The following CSMD1 variants were observed in gnomAD, a reference collection of about 807,000 sequenced individuals.
The protein encoded by CSMD1 is CUB and sushi domain-containing protein 1.
Under a neutral mutation model 417.5 loss-of-function variants are expected in CSMD1, and 213 were observed. The observed-to-expected ratio is 0.51, with a 90% confidence interval of 0.46 to 0.57. The LOEUF is 0.57. Ranked by LOEUF, CSMD1 falls within the 20% of genes least tolerant of loss-of-function variation. The pLI, the probability that CSMD1 is intolerant of heterozygous loss-of-function variation, is 0.00. For missense variants in CSMD1, 6,923 were observed against 4,529.7 expected (o/e 1.53, Z -15.17); for synonymous variants, 2,862 against 1,736.8 (o/e 1.65, Z -16.11).
At chr8:4,407,533 A>G (rs183466800) in intron 3 of CSMD1, among the ~76,000 whole-genome samples, 1 of 152,344 alleles carries the variant, frequency 6.6e-6, no homozygotes, top group East Asian at 1.9e-4. Flanking sequence ...AATTCAGAGT[A>G]CAGATATCTT....
intron 5 of CSMD1, among the ~76,000 whole-genome samples, chr8:3,890,026 A>C (rs1366672766): frequency 6.6e-6 from 1 of 152,100 alleles, no homozygotes; most frequent in Non-Finnish European, 1.5e-5. Context: ...AAAAAATATA[A>C]ACATTTTTTT....
intron 5 of CSMD1, among the ~76,000 whole-genome samples, chr8:3,943,195 T>C (rs933242627): frequency 1.3e-5 from 2 of 152,120 alleles, no homozygotes; most frequent in Non-Finnish European, 2.9e-5. Context: ...TGTTTCCTGG[T>C]GTTCGATTTT....
chr8:4,204,809 C>G (rs866486747), intron 3 of CSMD1, among the ~76,000 whole-genome samples: 10 of 150,250 alleles, frequency 6.7e-5, no homozygotes, highest in African/African-American at 2.5e-4. Flanking sequence ...CACAGGTCAG[C>G]ACACACAGCT....
chr8:4,411,488 C>G (rs954586297), intron 3 of CSMD1, among the ~76,000 whole-genome samples: 1 of 152,128 alleles, frequency 6.6e-6, no homozygotes, highest in African/African-American at 2.4e-5. Flanking sequence ...AGCCAGAGAT[C>G]CACTTAACAA....
chr8:4,909,495 T>C (rs962742600), intron 1 of CSMD1, among the ~76,000 whole-genome samples: 1 of 152,152 alleles, frequency 6.6e-6, no homozygotes, highest in Non-Finnish European at 1.5e-5. Flanking sequence ...AGCAGAGATT[T>C]TTCCCTAAAG....
At chr8:3,950,418 G>T (rs1377102189) in intron 5 of CSMD1, among the ~76,000 whole-genome samples, 2 of 152,202 alleles carry the variant, frequency 1.3e-5, no homozygotes, top group Non-Finnish European at 2.9e-5. Context: ...AATGTAAGTA[G>T]CAGAAGAGAG....
At chr8:4,420,597 C>T (rs932928291) in intron 2 of CSMD1, among the ~76,000 whole-genome samples, 6 of 152,030 alleles carry the variant, frequency 3.9e-5, no homozygotes, top group Non-Finnish European at 8.8e-5. Flanking sequence ...TTTGTGCACT[C>T]AAACATGAAA....
At chr8:3,523,802 T>C (rs1585301397) in intron 10 of CSMD1, among the ~76,000 whole-genome samples, 1 of 139,186 alleles carries the variant, frequency 7.2e-6, no homozygotes. Context: ...TGCACACATG[T>C]GCACATACAC....
At chr8:4,949,189 T>A (rs1162506246) in intron 1 of CSMD1, among the ~76,000 whole-genome samples, 2 of 152,192 alleles carry the variant, frequency 1.3e-5, no homozygotes, top group Admixed American at 6.6e-5. Context: ...TATAATATTG[T>A]CTTAAATACC....
At chr8:2,941,443 T>C (rs644385) in intron 69 of CSMD1, among the ~76,000 whole-genome samples, 121,831 of 152,194 alleles carry the variant, frequency 0.8, 50,122 homozygotes, top group East Asian at 0.91. Flanking sequence ...GGGATCATAA[T>C]TTATTTCTTA....
At chr8:3,447,961 G>A (rs988730531) in intron 12 of CSMD1, among the ~76,000 whole-genome samples, 1 of 152,118 alleles carries the variant, frequency 6.6e-6, no homozygotes, top group African/African-American at 2.4e-5. Flanking sequence ...ATGGGACAGA[G>A]CCTCAAGAAA....
At chr8:3,530,930 G>A (rs1458924756) in intron 10 of CSMD1, among the ~76,000 whole-genome samples, 1 of 151,292 alleles carries the variant, frequency 6.6e-6, no homozygotes, top group Admixed American at 6.6e-5. Context: ...CGATCTCACT[G>A]CAACCTCCAC....
At chr8:4,465,341 GTGTACATCAGTAC>G (rs1260893022) in intron 2 of CSMD1, among the ~76,000 whole-genome samples, 2 of 152,116 alleles carry the variant, frequency 1.3e-5, no homozygotes, top group African/African-American at 4.8e-5. Context: ...CTTGCAAAAA[GTGTACATCAGTAC>G]ATGTCTACTA....
At chr8:3,463,707 G>C (rs989689125) in intron 12 of CSMD1, among the ~76,000 whole-genome samples, 2 of 152,174 alleles carry the variant, frequency 1.3e-5, no homozygotes, top group South Asian at 4.1e-4. Context: ...GAGAAGACGG[G>C]CGAGACTGGG....
At chr8:3,714,070 A>T (rs1469912353) in intron 6 of CSMD1, among the ~76,000 whole-genome samples, 1 of 138,676 alleles carries the variant, frequency 7.2e-6, no homozygotes, top group Non-Finnish European at 1.6e-5. Flanking sequence ...ATGTCCACAT[A>T]CACACATATG....
At position 4,120,414 on chromosome 8, in the gene CSMD1, T is replaced by G. The variant is rs187436016; in HGVS notation, c.416-88315A>C. On this transcript the variant is annotated intron_variant, in intron 3 of 69. Coordinates refer to ENST00000635120, the MANE Select transcript of CSMD1 (RefSeq NM_033225.6). The stretch of plus-strand genomic sequence containing the variant: ...CTGACCGTATGCCCATCCAATTGTT[T>G]GTTGAGTTTTCTCTCCTTCCTCCTC... Among the ~76,000 whole-genome samples, 15 of 152,322 alleles carry G rather than the reference T, an allele frequency of 9.8e-5. No homozygotes were observed. In the East Asian group the frequency reaches 2.5e-3, roughly 25 times the overall value.
chr8:3,707,983 C>T (rs527687316), intron 7 of CSMD1, among the ~76,000 whole-genome samples: 15 of 152,224 alleles, frequency 9.9e-5, no homozygotes, highest in African/African-American at 3.1e-4. Context: ...AGACATTGCC[C>T]GAAAGCTACT....
intron 10 of CSMD1, among the ~76,000 whole-genome samples, chr8:3,536,378 C>G (rs982140896): frequency 2.6e-5 from 4 of 152,192 alleles, no homozygotes; most frequent in African/African-American, 7.2e-5. Context: ...AATTCCATGA[C>G]CATTGATTCT....
rs368341419 is a variant in CSMD1, at chr8:4,637,426, G to A, written c.218C>T (p.Ser73Phe). 1.6e-5 allele frequency: 26 copies of A among 1,613,748 alleles called. No individual in the cohort carries two copies. Among genetic ancestry groups the A allele is most frequent in the Middle Eastern group, 3.3e-4 (2 of 6,084 alleles). ...TTCTTCAAGAGCAAAGGTATGGAAGGACAACTGTATCCTATTGCGCTCGCC... is the reference window on the plus strand; with the variant it reads ...TTCTTCAAGAGCAAAGGTATGGAAGAACAACTGTATCCTATTGCGCTCGCC... ...ITGERNRIQL[S>F]FHTFALEEDF... Residue 73 changes from serine (S) to phenylalanine (F), a missense_variant, in exon 2 of 70, where the codon TCC becomes TTC. Transcript: ENST00000635120.
Sources: gnomAD v4.1 joint callset for allele counts (sites outside exome capture counted in the v4.1 genomes callset) on GRCh38, gnomAD v4.1.1 for gene constraint, MANE v1.5 for transcripts, NCBI Gene and HGNC (gene_info 2026-07-23, HGNC 2026-07-21) for gene names.